HHAT: variants seen among roughly 807,000 people sequenced by gnomAD.
HHAT encodes protein-cysteine N-palmitoyltransferase HHAT.
Under a neutral mutation model 70.8 loss-of-function variants are expected in HHAT, and 47 were observed. The observed-to-expected ratio is 0.66, with a 90% CI of 0.53 to 0.85. HHAT has a LOEUF of 0.85. Among genes scored for constraint, HHAT ranks in the 40% least tolerant of loss-of-function variants. HHAT has a pLI of 0.00. For missense variants in HHAT, 609 were observed against 604.8 expected (o/e 1.01, Z -0.07); for synonymous variants, 228 against 247.6 (o/e 0.92, Z 0.74).
At chr1:210,383,047 A>AT (rs1337879342) in intron 3 of HHAT, among the ~76,000 whole-genome samples, 2 of 152,190 alleles carry the variant, frequency 1.3e-5, no homozygotes, top group African/African-American at 4.8e-5. Context: ...AAAAAGAAAA[A>AT]GTGAGCTTCA....
In HHAT at chr1:210,362,700, A is replaced by G. The variant is rs1207901421; in HGVS notation, c.92-152A>G. The G allele has an allele frequency of 2.7e-5, 17 of 624,182 alleles. No homozygotes were observed. In the Admixed American group the frequency reaches 4.0e-4, roughly 15 times the overall value. The allele number at this position is 624,182 out of a possible 1,614,324, so 38.7% of individuals were successfully genotyped here. A position where few individuals can be genotyped will look rare whatever the true frequency, so the allele number is the denominator to read the frequency against. ...TTAGGTCACAGAACACTGGAAAGCA[A>G]GGTCAAGGAGTGTGGTATGTTTCCG... On this transcript the variant is annotated intron_variant, in intron 2 of 11. Coordinates refer to ENST00000261458, the MANE Select transcript of HHAT (RefSeq NM_018194.6).
In HHAT at chr1:210,592,892, T is replaced by A. The variant is rs75954731; in HGVS notation, c.1245+4793T>A. On this transcript the variant is annotated intron_variant, in intron 10 of 11. Coordinates refer to ENST00000261458, the MANE Select transcript of HHAT (RefSeq NM_018194.6). Reference sequence around the variant, plus strand: ...AAACCAACTTTTCTTTTTTTTTTTTTATTATACTTTAAGTTCTCGGGTGCA... The same window carrying A: ...AAACCAACTTTTCTTTTTTTTTTTTAATTATACTTTAAGTTCTCGGGTGCA... 2.9e-3 allele frequency among the ~76,000 whole-genome samples: 438 copies of A among 151,008 alleles called. 4 individuals carry two copies. Among genetic ancestry groups the A allele is most frequent in the Middle Eastern group, 0.01 (3 of 290 alleles).
At chr1:210,387,061 A>C (rs765980318) in intron 3 of HHAT, among the ~76,000 whole-genome samples, 6 of 152,148 alleles carry the variant, frequency 3.9e-5, no homozygotes, top group Non-Finnish European at 8.8e-5. Context: ...GCCTCAATTC[A>C]TTACTTGTAC....
intron 9 of HHAT, among the ~76,000 whole-genome samples, chr1:210,556,275 A>T (rs1301905688): frequency 6.6e-6 from 1 of 152,076 alleles, no homozygotes; most frequent in East Asian, 1.9e-4. Flanking sequence ...TGATTTTCTT[A>T]AAGATTCAAA....
chr1:210,553,390 C>T (rs932083227), intron 9 of HHAT, among the ~76,000 whole-genome samples: 16 of 152,310 alleles, frequency 1.1e-4, no homozygotes, highest in Middle Eastern at 3.4e-3. Flanking sequence ...AGGAGCCTTC[C>T]AGATGGAGGG....
chr1:210,367,261 A>T (rs149023059), intron 3 of HHAT, among the ~76,000 whole-genome samples: 1 of 152,300 alleles, frequency 6.6e-6, no homozygotes, highest in East Asian at 1.9e-4. Flanking sequence ...CAGGGCTGGG[A>T]TTTAATCATT....
At chr1:210,471,999 A>C (rs1477111465) in intron 8 of HHAT, among the ~76,000 whole-genome samples, 1 of 152,204 alleles carries the variant, frequency 6.6e-6, no homozygotes, top group African/African-American at 2.4e-5. Context: ...GAAATGGACA[A>C]ATATTAAGAA....
chr1:210,348,133 T>A (rs1472786626), intron 1 of HHAT, among the ~76,000 whole-genome samples: 1 of 152,124 alleles, frequency 6.6e-6, no homozygotes, highest in Non-Finnish European at 1.5e-5. Context: ...TAAACCCAGC[T>A]ACTCAGGAGG....
chr1:210,424,006 T>C (rs1289083111), intron 7 of HHAT, among the ~76,000 whole-genome samples: 1 of 152,244 alleles, frequency 6.6e-6, no homozygotes, highest in Admixed American at 6.5e-5. Context: ...TGCTCAGAAT[T>C]GCTTTGGCTG....
At chr1:210,618,601 T>C (rs1668222275) in intron 10 of HHAT, among the ~76,000 whole-genome samples, 1 of 152,124 alleles carries the variant, frequency 6.6e-6, no homozygotes, top group Non-Finnish European at 1.5e-5. Context: ...GCTCAGCCTG[T>C]CCCCACCTCC....
Position 210,653,487 on chromosome 1 carries a change from A to G in HHAT, c.1391-20801A>G, listed in dbSNP as rs1574019054. Among the ~76,000 whole-genome samples the G allele has an allele frequency of 2.0e-5, 3 of 150,382 alleles. No homozygotes were observed. In the Admixed American group the frequency reaches 2.0e-4, roughly 10 times the overall value. ...TGAGGCTGTAGTGAGCTGAGATCGC[A>G]CCACTGCATTCCAGCCTGGGTGACA... On this transcript the variant is annotated intron_variant, in intron 11 of 11. Transcript: ENST00000261458.
At chr1:210,394,595 GT>G (rs1369051385) in intron 4 of HHAT, among the ~76,000 whole-genome samples, 2 of 151,986 alleles carry the variant, frequency 1.3e-5, no homozygotes, top group Non-Finnish European at 2.9e-5. Context: ...GGTGGGTGCT[GT>G]TGCTAACCAC....
At chr1:210,475,554 C>G (rs745674202) in intron 8 of HHAT, among the ~76,000 whole-genome samples, 1 of 152,174 alleles carries the variant, frequency 6.6e-6, no homozygotes, top group East Asian at 1.9e-4. Context: ...ATGGGGTGAC[C>G]TGAGGGCAGG....
chr1:210,568,279 C>T (rs1655263507), intron 9 of HHAT, among the ~76,000 whole-genome samples: 2 of 152,252 alleles, frequency 1.3e-5, no homozygotes, highest in South Asian at 4.1e-4. Flanking sequence ...TTCTGAGCTC[C>T]TTCCACCATA....
chr1:210,606,387 AT>A (rs1192618034), intron 10 of HHAT, among the ~76,000 whole-genome samples: 3 of 151,988 alleles, frequency 2.0e-5, no homozygotes, highest in Non-Finnish European at 4.4e-5. Flanking sequence ...TTGCCTTGCC[AT>A]TTTTTTCTTT....
At position 210,562,662 on chromosome 1, in the gene HHAT, T is replaced by C. The variant is rs556733745; in HGVS notation, c.1044-25236T>C. On this transcript the variant is annotated intron_variant, in intron 9 of 11. Transcript: ENST00000261458. ...GTGGTGGGTTTTTTTCTTTTCTTTT[T>C]TTTTTATTATACTTTAAGTTTTAGA... is the stretch of plus-strand genomic sequence containing the variant. 1.8e-4 allele frequency among the ~76,000 whole-genome samples: 28 copies of C among 152,272 alleles called. 1 individual carries two copies. In the South Asian group the frequency reaches 5.0e-3, roughly 27 times the overall value.
intron 7 of HHAT, among the ~76,000 whole-genome samples, chr1:210,447,623 A>G (rs1194213722): frequency 6.6e-6 from 1 of 152,190 alleles, no homozygotes; most frequent in East Asian, 1.9e-4. Context: ...TTGCTTTGTC[A>G]TGTCAGGTGG....
In HHAT at chr1:210,356,282, C is replaced by A. The variant is rs538753168; in HGVS notation, c.92-6570C>A. On this transcript the variant is annotated intron_variant, in intron 2 of 11. Coordinates refer to ENST00000261458, the MANE Select transcript of HHAT (RefSeq NM_018194.6). The stretch of plus-strand genomic sequence containing the variant: ...CTGATTTTGCAGAGCCCAGGCACAT[C>A]TTCTTTTATGAAGCAGCTATGTTCC... 1.6e-4 allele frequency among the ~76,000 whole-genome samples: 25 copies of A among 152,236 alleles called. 1 individual carries two copies. In the South Asian group the frequency reaches 5.2e-3, roughly 32 times the overall value.
chr1:210,607,066 A>G (rs145476938), intron 10 of HHAT, among the ~76,000 whole-genome samples: 1 of 152,220 alleles, frequency 6.6e-6, no homozygotes, highest in Non-Finnish European at 1.5e-5. Flanking sequence ...CTCGTGCTCT[A>G]TATGTTTATT....
Sources: allele counts gnomAD v4.1 joint callset (sites outside exome capture counted in the v4.1 genomes callset), GRCh38; gene constraint gnomAD v4.1.1; transcripts MANE v1.5; gene names NCBI Gene and HGNC (gene_info 2026-07-23, HGNC 2026-07-21).